The following UGDH variants were observed in gnomAD, a reference collection of about 807,000 sequenced individuals.
UGDH encodes UDP-glucose 6-dehydrogenase.
UGDH carries 38 observed loss-of-function variants against 50.6 expected under a neutral mutation model. The ratio of observed to expected loss-of-function variants is 0.75; its 90% confidence interval spans 0.58 to 0.98. The LOEUF is 0.98. UGDH is among the 50% of genes least tolerant of loss of function. UGDH has a pLI of 0.00. For missense variants in UGDH, 465 were observed against 606.2 expected, an observed-to-expected ratio of 0.77 and a Z score of 2.45; for synonymous variants, 168 against 199.9, an observed-to-expected ratio of 0.84 and a Z score of 1.35.
At chr4:39,524,562 G>A (rs1469381923) in intron 1 of UGDH, among the ~76,000 whole-genome samples, 1 of 151,292 alleles carries the variant, frequency 6.6e-6, no homozygotes, top group Non-Finnish European at 1.5e-5. Context: ...GAGTGCAACA[G>A]CACAATCTGG....
chr4:39,514,202 A>T lies in UGDH; in HGVS notation c.163-18T>A, dbSNP rs751441995. 1 of 1,538,932 alleles carries T rather than the reference A, an allele frequency of 6.5e-7. No homozygotes were observed. Among genetic ancestry groups the T allele is most frequent in the Non-Finnish European group, 8.8e-7 (1 of 1,140,496 alleles). On this transcript the variant is annotated intron_variant, in intron 2 of 11. Coordinates refer to ENST00000316423, the MANE Select transcript of UGDH (RefSeq NM_003359.4). ...AGTCCTGGCTAAAAAGAAAAAAGAAAAGGAATTGTACATATAGCTTGCCAG... is the reference window on the plus strand; with the variant it reads ...AGTCCTGGCTAAAAAGAAAAAAGAATAGGAATTGTACATATAGCTTGCCAG...
At chr4:39,517,077 T>C (rs1380846788) in intron 2 of UGDH, among the ~76,000 whole-genome samples, 2 of 152,158 alleles carry the variant, frequency 1.3e-5, no homozygotes, top group Admixed American at 1.3e-4. Flanking sequence ...TTAGAATTTA[T>C]ATGGTACTTT....
At chr4:39,520,489 T>TAA (rs5857682) in intron 2 of UGDH, among the ~76,000 whole-genome samples, 9 of 150,328 alleles carry the variant, frequency 6.0e-5, no homozygotes, top group African/African-American at 1.9e-4. Flanking sequence ...AGTGAAATAA[T>TAA]AAAAAAAAAG....
Position 39,508,650 on chromosome 4 carries a change from C to A in UGDH, c.822G>T (p.Gly274=). The A allele has an allele frequency of 6.3e-7, 1 of 1,594,294 alleles. No homozygotes were observed. The highest frequency in any genetic ancestry group is 1.9e-5 in the Admixed American group (1 of 53,960). The stretch of plus-strand genomic sequence containing the variant: ...TCAGAACATCCTTTTGGAAACAGCT[C>A]CCACCAAACCCTGCAGAAAGAAAAA... ...KFLKASVGFG[G]SCFQKDVLNL... Residue 274 remains glycine, a synonymous_variant, in exon 7 of 12, where the codon GGG becomes GGT. Coordinates refer to ENST00000316423, the MANE Select transcript of UGDH (RefSeq NM_003359.4).
chr4:39,504,844 G>A (rs1055816178), intron 9 of UGDH, among the ~76,000 whole-genome samples: 2 of 152,144 alleles, frequency 1.3e-5, no homozygotes, highest in Admixed American at 6.5e-5. Context: ...GCAAGTGACC[G>A]CAGATAACTG....
chr4:39,523,234 T>C (rs1746739246), intron 1 of UGDH, among the ~76,000 whole-genome samples: 2 of 151,892 alleles, frequency 1.3e-5, no homozygotes, highest in South Asian at 2.1e-4. Context: ...GTATTTTTAG[T>C]AGAGACAGGG....
rs768474926 is a variant in UGDH at position 39,503,969 on chromosome 4, C to T, written c.1280G>A (p.Arg427His). Reference sequence around the variant, plus strand: ...TGGCTTTAGCATTTTTTTATGAATGCGTTCATAATCCAATTCCTGTAAAGA... The same window carrying T: ...TGGCTTTAGCATTTTTTTATGAATGTGTTCATAATCCAATTCCTGTAAAGA... ...WDMFKELDYE[R>H]IHKKMLKPAF... Residue 427 changes from arginine to histidine, a missense_variant, in exon 11 of 12, where the codon CGC (arginine) becomes CAC (histidine). Arg to His is a conservative substitution (Grantham distance 29, BLOSUM62 0). Coordinates refer to ENST00000316423, the MANE Select transcript of UGDH (RefSeq NM_003359.4). 50 of 1,613,838 alleles carry T rather than the reference C, an allele frequency of 3.1e-5. No individual in the cohort carries two copies. In the South Asian group the frequency reaches 4.2e-4, roughly 13 times the overall value.
chr4:39,525,454 A>C (rs932312125), intron 1 of UGDH, among the ~76,000 whole-genome samples: 10 of 151,852 alleles, frequency 6.6e-5, no homozygotes, highest in Middle Eastern at 3.4e-3. Flanking sequence ...TTGGCCTCCC[A>C]AAGTGCTGGG....
At chr4:39,525,948 C>T (rs1046331142) in intron 1 of UGDH, among the ~76,000 whole-genome samples, 4 of 152,208 alleles carry the variant, frequency 2.6e-5, no homozygotes. Context: ...ACAAACCAAA[C>T]CGTTCCAAAA....
intron 3 of UGDH, 53 bp from the exon 4 acceptor site, chr4:39,510,914 A>G (rs1168819562): frequency 6.3e-7 from 1 of 1,578,870 alleles, no homozygotes; most frequent in East Asian, 2.2e-5. Flanking sequence ...TAGGGATTTC[A>G]AGATATACCC....
At chr4:39,500,296 T>C in intron 11 of UGDH, 43 bp from the exon 12 acceptor site, 1 of 1,277,822 alleles carries the variant, frequency 7.8e-7, no homozygotes, top group Non-Finnish European at 1.1e-6. Flanking sequence ...AACAATTATA[T>C]AAGTGTAAGA....
intron 11 of UGDH, among the ~76,000 whole-genome samples, chr4:39,501,812 T>G (rs1227017908): frequency 6.6e-6 from 1 of 152,244 alleles, no homozygotes; most frequent in Non-Finnish European, 1.5e-5. Context: ...ATTTTTCATT[T>G]ATTCCATATA....
chr4:39,512,415 T>C lies in UGDH; in HGVS notation c.265-1554A>G, dbSNP rs147165728. ...GGAACAACTTAGGGCAAGAGTTACA[T>C]GTAATGGTGTACGGAAAGGCAAAGA... On this transcript the variant is annotated intron_variant, in intron 3 of 11. Coordinates refer to ENST00000316423, the MANE Select transcript of UGDH (RefSeq NM_003359.4). Among the ~76,000 whole-genome samples, 270 of 152,280 alleles carry C rather than the reference T, an allele frequency of 1.8e-3. 1 individual carries two copies. Among genetic ancestry groups the C allele is most frequent in the African/African-American group, 6.2e-3 (256 of 41,552 alleles).
chr4:39,517,766 AC>A (rs915639357), intron 2 of UGDH, among the ~76,000 whole-genome samples: 109 of 152,290 alleles, frequency 7.2e-4, no homozygotes, highest in African/African-American at 2.3e-3. Context: ...TTTGAAACTT[AC>A]GCAAATGGAA....
intron 11 of UGDH, among the ~76,000 whole-genome samples, chr4:39,503,661 C>T (rs1338806528): frequency 6.6e-6 from 1 of 152,152 alleles, no homozygotes; most frequent in African/African-American, 2.4e-5. Context: ...AGCAAATGAG[C>T]ACTTTCCTAA....
At chr4:39,507,942 CAA>C (rs34122254) in intron 7 of UGDH, among the ~76,000 whole-genome samples, 24,004 of 76,012 alleles carry the variant, frequency 0.32, 2,707 homozygotes, top group African/African-American at 0.49. Flanking sequence ...GATCTTGTCT[CAA>C]AAAAAAAAAA....
intron 6 of UGDH, among the ~76,000 whole-genome samples, chr4:39,508,907 TC>T (rs1255859685): frequency 6.7e-6 from 1 of 148,882 alleles, no homozygotes; most frequent in Non-Finnish European, 1.5e-5. Flanking sequence ...TTATATTGTT[TC>T]CTTTTATCTC....
At chr4:39,513,789 C>T (rs1746339311) in intron 3 of UGDH, among the ~76,000 whole-genome samples, 1 of 152,138 alleles carries the variant, frequency 6.6e-6, no homozygotes, top group African/African-American at 2.4e-5. Flanking sequence ...CCCACCTTGG[C>T]CTCCCACAAT....
intron 11 of UGDH, among the ~76,000 whole-genome samples, chr4:39,503,668 C>T (rs1320986961): frequency 6.6e-6 from 1 of 152,270 alleles, no homozygotes; most frequent in East Asian, 1.9e-4. Flanking sequence ...GAGCACTTTC[C>T]TAATTGTTGA....
Sources: gnomAD v4.1 joint callset for allele counts (sites outside exome capture counted in the v4.1 genomes callset) on GRCh38, gnomAD v4.1.1 for gene constraint, MANE v1.5 for transcripts, NCBI Gene and HGNC (gene_info 2026-07-23, HGNC 2026-07-21) for gene names.